The following SLC41A2 variants were observed in gnomAD, a reference collection of about 807,000 sequenced individuals.
The protein encoded by SLC41A2 is solute carrier family 41 member 2.
In SLC41A2, 32 loss-of-function variants were observed where a neutral mutation model predicts 58.3. The ratio of observed to expected loss-of-function variants is 0.55; its 90% CI spans 0.41 to 0.74. SLC41A2 has a LOEUF of 0.74. SLC41A2 is among the 30% of genes least tolerant of loss of function. The probability of loss-of-function intolerance (pLI) is 0.00; values close to 1 mark genes in which losing one functional copy is unlikely to be tolerated. For missense variants in SLC41A2, 514 were observed against 680.6 expected (o/e 0.76, Z 2.72); for synonymous variants, 190 against 235.0 (o/e 0.81, Z 1.75).
intron 10 of SLC41A2, among the ~76,000 whole-genome samples, chr12:104,839,506 T>C (rs2042330250): frequency 6.7e-6 from 1 of 150,068 alleles, no homozygotes; most frequent in South Asian, 2.1e-4. Flanking sequence ...TTTTCTTTTT[T>C]TTTTCTTTTT....
intron 4 of SLC41A2, among the ~76,000 whole-genome samples, chr12:104,892,317 A>AAAT (rs1458680251): frequency 0.026 from 3,491 of 136,458 alleles, 276 homozygotes; most frequent in East Asian, 0.17. Flanking sequence ...AAAATAAAAT[A>AAAT]AAATAAAATA....
At chr12:104,848,283 T>C (rs1262506231) in intron 8 of SLC41A2, among the ~76,000 whole-genome samples, 2 of 152,040 alleles carry the variant, frequency 1.3e-5, no homozygotes. Flanking sequence ...TTACTACAAA[T>C]GAAAACATAA....
chr12:104,909,591 G>A lies in SLC41A2; in HGVS notation c.663+64C>T, dbSNP rs73191780. On this transcript the variant is annotated intron_variant, in intron 3 of 10. Transcript: ENST00000258538. Reference sequence around the variant, plus strand: ...AGAAAGAAATATTTTCCTGATACAAGTTCCCCTTAACAGAGAGAAACAGGA... The same window carrying A: ...AGAAAGAAATATTTTCCTGATACAAATTCCCCTTAACAGAGAGAAACAGGA... 0.051 allele frequency: 56,833 copies of A among 1,112,820 alleles called. 1,632 individuals are homozygous for A. Among genetic ancestry groups the A allele is most frequent in the Middle Eastern group, 0.061 (309 of 5,046 alleles). 68.9% of individuals were successfully genotyped at this position (1,112,820 alleles called of 1,614,324 possible).
Position 104,946,831 on chromosome 12 carries a change from C to G in SLC41A2, c.-168+11257G>C, listed in dbSNP as rs1472300249. On this transcript the variant is annotated intron_variant, in intron 1 of 10. Coordinates refer to ENST00000258538, the MANE Select transcript of SLC41A2 (RefSeq NM_001352171.3). ...CCAAAAATTAACTGTCAAGAAGTGT[C>G]GACACACTAATGATAATGAGAGCAG... 5.9e-5 allele frequency among the ~76,000 whole-genome samples: 9 copies of G among 152,102 alleles called. No homozygotes were observed. In the East Asian group the frequency reaches 1.7e-3, roughly 29 times the overall value.
intron 10 of SLC41A2, among the ~76,000 whole-genome samples, chr12:104,828,447 C>T (rs2041927059): frequency 6.6e-6 from 1 of 152,306 alleles, no homozygotes; most frequent in East Asian, 1.9e-4. Context: ...AGGCAGGAGT[C>T]TAACTGAGCT....
At chr12:104,824,255 G>A (rs1364403809) in intron 10 of SLC41A2, among the ~76,000 whole-genome samples, 3 of 151,398 alleles carry the variant, frequency 2.0e-5, no homozygotes, top group African/African-American at 2.4e-5. Flanking sequence ...AAACCCCCCC[G>A]AGACCCCAGC....
At chr12:104,938,924 G>T (rs2047390140) in intron 1 of SLC41A2, among the ~76,000 whole-genome samples, 1 of 152,106 alleles carries the variant, frequency 6.6e-6, no homozygotes, top group Non-Finnish European at 1.5e-5. Context: ...CCAAACATTT[G>T]AATCTCAAAA....
chr12:104,894,694 G>A (rs1468950627), intron 4 of SLC41A2, among the ~76,000 whole-genome samples: 2 of 152,100 alleles, frequency 1.3e-5, no homozygotes, highest in African/African-American at 4.8e-5. Context: ...AGGGGTAGTC[G>A]CAGTCTTCAG....
chr12:104,853,350 C>T (rs1460287643), intron 8 of SLC41A2, among the ~76,000 whole-genome samples: 1 of 152,054 alleles, frequency 6.6e-6, no homozygotes, highest in Non-Finnish European at 1.5e-5. Context: ...AAGTCTGGCC[C>T]CTTCCTATAT....
At chr12:104,828,179 G>A (rs576606154) in intron 10 of SLC41A2, among the ~76,000 whole-genome samples, 8 of 152,312 alleles carry the variant, frequency 5.3e-5, no homozygotes, top group East Asian at 1.9e-4. Flanking sequence ...GGAACACACC[G>A]ACAGGCACCG....
chr12:104,957,762 C>A (rs2048223468), intron 1 of SLC41A2, among the ~76,000 whole-genome samples: 1 of 152,236 alleles, frequency 6.6e-6, no homozygotes. Context: ...CATCTCCATC[C>A]CAGCTCACCT....
chr12:104,875,172 A>G (rs1387975726), intron 6 of SLC41A2, among the ~76,000 whole-genome samples: 1 of 152,244 alleles, frequency 6.6e-6, no homozygotes, highest in East Asian at 1.9e-4. Flanking sequence ...GTCATGATGT[A>G]TAATATTCTT....
At chr12:104,854,434 G>A (rs1034085111) in intron 8 of SLC41A2, among the ~76,000 whole-genome samples, 29 of 152,168 alleles carry the variant, frequency 1.9e-4, no homozygotes, top group East Asian at 7.7e-4. Context: ...GTGGCGGCGG[G>A]CGACTGTAGC....
intron 3 of SLC41A2, among the ~76,000 whole-genome samples, chr12:104,907,069 T>C (rs2045883095): frequency 6.8e-6 from 1 of 147,866 alleles, no homozygotes; most frequent in Non-Finnish European, 1.5e-5. Context: ...TGCCTTGTTA[T>C]TCATGTATAG....
chr12:104,885,887 T>C (rs1188771242), intron 6 of SLC41A2, among the ~76,000 whole-genome samples: 5 of 152,116 alleles, frequency 3.3e-5, no homozygotes, highest in African/African-American at 4.8e-5. Context: ...CTTATAAGCT[T>C]ATATTCTGAG....
chr12:104,893,797 A>C (rs2045138016), intron 4 of SLC41A2, among the ~76,000 whole-genome samples: 1 of 152,226 alleles, frequency 6.6e-6, no homozygotes, highest in Admixed American at 6.5e-5. Context: ...ATGGGATGTA[A>C]AAATCAAAAC....
At chr12:104,893,865 G>A (rs2045143443) in intron 4 of SLC41A2, among the ~76,000 whole-genome samples, 1 of 152,148 alleles carries the variant, frequency 6.6e-6, no homozygotes, top group Admixed American at 6.5e-5. Context: ...GGGAAGGGTA[G>A]TAGGAGGGTA....
chr12:104,938,771 C>A (rs750335576), intron 1 of SLC41A2, among the ~76,000 whole-genome samples: 24 of 152,162 alleles, frequency 1.6e-4, no homozygotes, highest in Non-Finnish European at 3.2e-4. Context: ...CATGACCTAA[C>A]AAAAGCTAAC....
intron 10 of SLC41A2, among the ~76,000 whole-genome samples, chr12:104,820,729 C>A (rs2041598745): frequency 6.6e-6 from 1 of 152,176 alleles, no homozygotes; most frequent in African/African-American, 2.4e-5. Context: ...GCAACCTCCC[C>A]CTCCTGGGTT....
Sources: allele counts gnomAD v4.1 joint callset (sites outside exome capture counted in the v4.1 genomes callset), GRCh38; gene constraint gnomAD v4.1.1; transcripts MANE v1.5; gene names NCBI Gene and HGNC (gene_info 2026-07-23, HGNC 2026-07-21).